The following WDPCP variants were observed in gnomAD, a reference collection of about 807,000 sequenced individuals.
The protein encoded by WDPCP is WD repeat containing planar cell polarity effector, also known as WD repeat-containing and planar cell polarity effector protein fritz homolog.
Under a neutral mutation model 93.1 loss-of-function variants are expected in WDPCP, and 71 were observed. That is an observed-to-expected ratio of 0.76 (90% CI 0.63 to 0.93). WDPCP has a LOEUF of 0.93. WDPCP is among the 40% of genes least tolerant of loss of function. WDPCP has a pLI of 0.00. For synonymous variants in WDPCP, 315 were observed against 315.0 expected (o/e 1.00, Z 0.00); for missense variants, 844 against 887.4 (o/e 0.95, Z 0.62).
At chr2:63,575,465 ATG>A (rs369408704) in intron 1 of WDPCP, among the ~76,000 whole-genome samples, 5,740 of 12,528 alleles carry the variant, frequency 0.46, 1,221 homozygotes, top group Middle Eastern at 0.75. Context: ...TACAGTATAT[ATG>A]CAGTATATAC....
At chr2:63,829,819 T>A (rs975551674), upstream of WDPCP, among the ~76,000 whole-genome samples, 2 of 152,100 alleles carry the variant, frequency 1.3e-5, no homozygotes, top group African/African-American at 4.8e-5. Flanking sequence ...AAATTAAAGA[T>A]TTTTTCAGTA....
At chr2:63,589,469 G>A (rs1213032293), upstream of WDPCP, 13 of 1,339,424 alleles carry the variant, frequency 9.7e-6, no homozygotes, top group East Asian at 2.5e-5. Context: ...TTGTCACAGG[G>A]ACCTTGAAAG....
At chr2:63,538,095 A>T (rs1474822783) in intron 1 of WDPCP, among the ~76,000 whole-genome samples, 1 of 152,132 alleles carries the variant, frequency 6.6e-6, no homozygotes, top group Non-Finnish European at 1.5e-5. Flanking sequence ...TAAATCTTAA[A>T]CTTTAAAGAA....
chr2:63,446,334 A>G (rs1402191155), intron 6 of WDPCP, among the ~76,000 whole-genome samples: 2 of 152,184 alleles, frequency 1.3e-5, no homozygotes, highest in Admixed American at 6.5e-5. Flanking sequence ...GGTAAACCCT[A>G]TTGGGAACTG....
chr2:63,394,706 C>T (rs1471451222), intron 10 of WDPCP, among the ~76,000 whole-genome samples: 1 of 151,974 alleles, frequency 6.6e-6, no homozygotes, highest in African/African-American at 2.4e-5. Flanking sequence ...ACTACATAGC[C>T]ATAAAAAAGA....
chr2:63,595,618 A>C, intron 3 of WDPCP: 1 of 725,158 alleles, frequency 1.4e-6, no homozygotes, highest in Non-Finnish European at 2.4e-6. Flanking sequence ...AAATTATTTC[A>C]TAAGAGGATT....
chr2:63,301,419 C>T (rs59619489), intron 13 of WDPCP, among the ~76,000 whole-genome samples: 251 of 152,290 alleles, frequency 1.6e-3, no homozygotes, highest in African/African-American at 5.4e-3. Flanking sequence ...TATGGGTAAA[C>T]GCTTCAGCAC....
intron 6 of WDPCP, among the ~76,000 whole-genome samples, chr2:63,476,513 A>C (rs1264737353): frequency 6.6e-6 from 1 of 152,110 alleles, no homozygotes; most frequent in Non-Finnish European, 1.5e-5. Flanking sequence ...TGCTTTCTCT[A>C]AACTTCTACC....
At chr2:63,159,764 A>G (rs1672524316) in intron 15 of WDPCP, among the ~76,000 whole-genome samples, 1 of 152,216 alleles carries the variant, frequency 6.6e-6, no homozygotes, top group African/African-American at 2.4e-5. Flanking sequence ...ATCCAGTAGC[A>G]AATATATAAC....
chr2:63,722,273 T>A (rs909939891), intron 2 of WDPCP, among the ~76,000 whole-genome samples: 5 of 144,878 alleles, frequency 3.5e-5, no homozygotes, highest in African/African-American at 1.3e-4. Context: ...CCATCCCACC[T>A]AGGAAGTGAG....
chr2:63,783,394 T>A (rs1392399886), intron 2 of WDPCP, among the ~76,000 whole-genome samples: 1 of 152,084 alleles, frequency 6.6e-6, no homozygotes, highest in Non-Finnish European at 1.5e-5. Context: ...CACCACAGTC[T>A]GGGAAACAGA....
rs575985306 is a variant in WDPCP, at chr2:63,622,963, C to G, written n.488+27696G>C. The G allele has an allele frequency of 4.5e-4, 334 of 750,156 alleles. 4 individuals are homozygous for G. Among genetic ancestry groups the G allele is most frequent in the South Asian group, 4.4e-3 (245 of 55,478 alleles). The allele number at this position is 750,156 out of a possible 1,614,324, so 46.5% of individuals were successfully genotyped here. On this transcript the variant is annotated intron_variant and non_coding_transcript_variant, in intron 3 of 4. Transcript: ENST00000467687. ...GGCTCGTAGCTCAGTCACCACCGCA[C>G]GGCGCCCAAGCAGCTGCTGCCGCCG...
Position 63,247,006 on chromosome 2 carries a change from C to G in WDPCP, c.1915+12301G>C, listed in dbSNP as rs1680328995. On this transcript the variant is annotated intron_variant, in intron 14 of 17. Transcript: ENST00000272321. ...TGATGGGCTTATTGAAAGACTAGAG[C>G]AGCATGAACAAGAAATCATGTCAGT... Among the ~76,000 whole-genome samples, 3 of 152,092 alleles carry G rather than the reference C, an allele frequency of 2.0e-5. No individual in the cohort carries two copies. In the South Asian group the frequency reaches 6.2e-4, roughly 31 times the overall value.
chr2:63,759,194 C>G (rs1670017107), intron 2 of WDPCP, among the ~76,000 whole-genome samples: 1 of 152,152 alleles, frequency 6.6e-6, no homozygotes, highest in Non-Finnish European at 1.5e-5. Flanking sequence ...TAGGACCCCT[C>G]ACTTGCACAG....
chr2:63,781,915 C>A (rs1670398682), intron 2 of WDPCP, among the ~76,000 whole-genome samples: 1 of 152,178 alleles, frequency 6.6e-6, no homozygotes, highest in Non-Finnish European at 1.5e-5. Flanking sequence ...AGTCAGTCCA[C>A]AGGCAACCTA....
At chr2:63,793,468 A>G (rs1558912050) in intron 2 of WDPCP, among the ~76,000 whole-genome samples, 1 of 152,134 alleles carries the variant, frequency 6.6e-6, no homozygotes, top group Admixed American at 6.5e-5. Context: ...TTAATTAGCC[A>G]GGTGTAGTGG....
At chr2:63,575,998 T>C (rs563187076) in intron 1 of WDPCP, among the ~76,000 whole-genome samples, 88 of 152,212 alleles carry the variant, frequency 5.8e-4, no homozygotes, top group African/African-American at 2.0e-3. Flanking sequence ...GTTAAGTAAT[T>C]TTATTTTTTC....
chr2:63,778,830 G>A (rs1163415203), intron 2 of WDPCP, among the ~76,000 whole-genome samples: 1 of 152,092 alleles, frequency 6.6e-6, no homozygotes, highest in Non-Finnish European at 1.5e-5. Flanking sequence ...TTGCCAGTCC[G>A]AAATTTTTGT....
chr2:63,808,874 C>G (rs201168432), intron 2 of WDPCP, among the ~76,000 whole-genome samples: 1 of 151,504 alleles, frequency 6.6e-6, no homozygotes, highest in Non-Finnish European at 1.5e-5. Flanking sequence ...TCTGCCCGGC[C>G]GCCATCCCAT....
Sources: gnomAD v4.1 joint callset for allele counts (sites outside exome capture counted in the v4.1 genomes callset) on GRCh38, gnomAD v4.1.1 for gene constraint, MANE v1.5 for transcripts, NCBI Gene and HGNC (gene_info 2026-07-23, HGNC 2026-07-21) for gene names.